Variants in ENO1 observed in about 807,000 individuals in gnomAD.
ENO1 encodes enolase 1, also known as alpha-enolase.
ENO1 carries 33 observed loss-of-function variants against 46.3 expected under a neutral mutation model. The ratio of observed to expected loss-of-function variants is 0.71; its 90% CI spans 0.54 to 0.95. ENO1 has a LOEUF of 0.95. ENO1 is among the 40% of genes least tolerant of loss of function. ENO1 has a pLI of 0.00. For missense variants in ENO1, 488 were observed against 553.3 expected, an observed-to-expected ratio of 0.88 and a Z score of 1.18; for synonymous variants, 220 against 216.0, an observed-to-expected ratio of 1.02 and a Z score of -0.16.
Position 8,862,957 on chromosome 1 carries a change from G to C in ENO1, c.1177-12C>G, listed in dbSNP as rs773366318. ...GCACCAGTCTTGATCTAGGAGAAAA[G>C]AAAGGCCATTTGCTTACAGCGGACA... On this transcript the variant is annotated splice_polypyrimidine_tract_variant and intron_variant, in intron 10 of 11. Coordinates refer to ENST00000234590, the MANE Select transcript of ENO1 (RefSeq NM_001428.5). 3.7e-6 allele frequency: 6 copies of C among 1,613,880 alleles called. No individual in the cohort carries two copies. The Admixed American group carries it at 1.0e-4, about 27-fold the overall frequency.
intron 1 of ENO1, chr1:8,877,486 C>T: frequency 6.6e-6 from 1 of 152,488 alleles, no homozygotes; most frequent in Non-Finnish European, 1.5e-5. Flanking sequence ...GCCTGAAAGG[C>T]AAGTGAAGCA....
At chr1:8,874,196 C>T (rs778347092) in intron 2 of ENO1, among the ~76,000 whole-genome samples, 2 of 152,182 alleles carry the variant, frequency 1.3e-5, no homozygotes, top group East Asian at 3.8e-4. Context: ...TAGTGATGGG[C>T]CCCTTTAGGG....
Position 8,872,539 on chromosome 1 carries a change from C to T in ENO1, c.86-553G>A, listed in dbSNP as rs991582687. On this transcript the variant is annotated intron_variant, in intron 2 of 11. Transcript: ENST00000234590. ...CTGGGACTACAGCAGCCTGCCACCA[C>T]GCCCGGCTAGTTTTTTTATTTTTAG... Among the ~76,000 whole-genome samples the T allele has an allele frequency of 9.2e-5, 14 of 152,172 alleles. No homozygotes were observed. In the East Asian group the frequency reaches 1.9e-3, roughly 21 times the overall value.
intron 2 of ENO1, 99 bp downstream of exon 2, chr1:8,874,725 T>G: frequency 9.2e-7 from 1 of 1,084,022 alleles, no homozygotes; most frequent in South Asian, 1.5e-5. Flanking sequence ...AGAAAAGCTT[T>G]AACAGATTTT....
At chr1:8,866,574 C>T in intron 6 of ENO1, 73 bp from the exon 7 acceptor site, 1 of 1,501,752 alleles carries the variant, frequency 6.7e-7, no homozygotes, top group Non-Finnish European at 9.2e-7. Flanking sequence ...CCCTCTGGTC[C>T]TACCATCCCA....
intron 2 of ENO1, among the ~76,000 whole-genome samples, chr1:8,872,917 T>C (rs1315560065): frequency 6.6e-6 from 1 of 152,196 alleles, no homozygotes; most frequent in Non-Finnish European, 1.5e-5. Context: ...AAACCAGCCA[T>C]CTGGTGAAAC....
At chr1:8,871,710 CCA>C in intron 3 of ENO1, 179 bp downstream of exon 3, 2 of 1,291,320 alleles carry the variant, frequency 1.5e-6, no homozygotes, top group South Asian at 3.3e-5. Context: ...ACCCCGGAAT[CCA>C]CACACCAACT....
intron 4 of ENO1, among the ~76,000 whole-genome samples, chr1:8,868,336 A>G (rs1642566395): frequency 6.6e-6 from 1 of 152,138 alleles, no homozygotes; most frequent in Non-Finnish European, 1.5e-5. Context: ...CTACCCAGGG[A>G]GCCCAAAGTG....
intron 9 of ENO1, 64 bp downstream of exon 9, chr1:8,863,827 A>T (rs1369937431): frequency 6.4e-7 from 1 of 1,556,526 alleles, no homozygotes; most frequent in East Asian, 2.2e-5. Context: ...CCAGAACAAA[A>T]GGGCCCTTTT....
intron 10 of ENO1, 71 bp downstream of exon 10, chr1:8,863,164 G>A (rs1310266246): frequency 6.5e-7 from 1 of 1,550,332 alleles, no homozygotes; most frequent in Non-Finnish European, 8.8e-7. Context: ...GACAGACATG[G>A]AGCCTCACTG....
In ENO1 at chr1:8,863,311, A is replaced by G. The variant is rs746317051; in HGVS notation, c.1100T>C (p.Val367Ala). ...CTCCCCCGAACGATGAGACACCATG[A>G]CGCCCCAACCATTGGCCTGGGCCAG... ...CKLAQANGWG[V>A]MVSHRSGETE... Residue 367 changes from valine to alanine, a missense_variant, in exon 10 of 12, where the codon GTC (valine) becomes GCC (alanine). Transcript: ENST00000234590. 6.2e-7 allele frequency: 1 copy of G among 1,614,098 alleles called. No homozygotes were observed. Among genetic ancestry groups the G allele is most frequent in the South Asian group, 1.1e-5 (1 of 91,076 alleles).
intron 1 of ENO1, among the ~76,000 whole-genome samples, chr1:8,876,664 G>A (rs1292985885): frequency 2.0e-5 from 3 of 152,082 alleles, no homozygotes; most frequent in African/African-American, 7.2e-5. Context: ...TTGGGAGGCC[G>A]AGGAGGGTGG....
intron 5 of ENO1, among the ~76,000 whole-genome samples, chr1:8,867,517 T>C (rs28999081): frequency 0.025 from 3,821 of 152,256 alleles, 160 homozygotes; most frequent in African/African-American, 0.088. Context: ...TGACAGGCTA[T>C]TGTCACCTGG....
chr1:8,867,720 C>A (rs1031891119), intron 5 of ENO1, among the ~76,000 whole-genome samples: 2 of 151,974 alleles, frequency 1.3e-5, no homozygotes, highest in Non-Finnish European at 2.9e-5. Context: ...TTAGTGGAGA[C>A]GGGGTTTCAC....
intron 1 of ENO1, 91 bp downstream of exon 1, chr1:8,878,489 C>A (rs1179298964): frequency 2.6e-6 from 1 of 387,984 alleles, no homozygotes. Context: ...GGCCTGCGGG[C>A]GCGCCGCCTC....
At chr1:8,864,617 G>A (rs28999091) in intron 8 of ENO1, among the ~76,000 whole-genome samples, 3,701 of 152,196 alleles carry the variant, frequency 0.024, 149 homozygotes, top group African/African-American at 0.085. Flanking sequence ...CAAAAATTTT[G>A]TTTAAGACCT....
intron 1 of ENO1, among the ~76,000 whole-genome samples, chr1:8,876,496 T>C (rs1455727149): frequency 1.3e-5 from 2 of 152,206 alleles, no homozygotes; most frequent in African/African-American, 4.8e-5. Flanking sequence ...CCCTGCCCCA[T>C]CTCCAGGCCA....
rs143076849 is a variant in ENO1 at position 8,865,403 on chromosome 1, G to A, written c.747C>T (p.Ser249=). Residue 249 remains serine, a synonymous_variant, in exon 8 of 12, where the codon TCC becomes TCT. Coordinates refer to ENST00000234590, the MANE Select transcript of ENO1 (RefSeq NM_001428.5). ...CATACTTCCCAGACCTGAAGAACTC[G>A]GAGGCCGCTACGTCCATGCCGATGA... ...KVVIGMDVAA[S]EFFRSGKYDL... 57 of 1,613,986 alleles carry A rather than the reference G, an allele frequency of 3.5e-5. No homozygotes were observed. The highest frequency in any genetic ancestry group is 4.5e-5 in the East Asian group (2 of 44,900).
intron 11 of ENO1, among the ~76,000 whole-genome samples, chr1:8,862,592 TAAGA>T (rs1642427495): frequency 6.6e-6 from 1 of 152,164 alleles, no homozygotes; most frequent in Non-Finnish European, 1.5e-5. Context: ...CTGAAAGCTC[TAAGA>T]AAGTCATGCA....
Sources: gnomAD v4.1 joint callset for allele counts (sites outside exome capture counted in the v4.1 genomes callset) on GRCh38, gnomAD v4.1.1 for gene constraint, MANE v1.5 for transcripts, NCBI Gene and HGNC (gene_info 2026-07-23, HGNC 2026-07-21) for gene names.